Variants in ARHGEF3 observed in about 807,000 individuals in gnomAD.
ARHGEF3 encodes the protein Rho guanine nucleotide exchange factor 3.
In ARHGEF3, 28 loss-of-function variants were observed where a neutral mutation model predicts 63.2. The ratio of observed to expected loss-of-function variants is 0.44; its 90% CI spans 0.33 to 0.61. The LOEUF (loss-of-function observed/expected upper bound fraction) is 0.61, where lower values mean the gene tolerates loss of function less well. Among genes scored for constraint, ARHGEF3 ranks in the 20% least tolerant of loss-of-function variants. The pLI, the probability that ARHGEF3 is intolerant of heterozygous loss-of-function variation, is 0.03. For synonymous variants in ARHGEF3, 266 were observed against 254.2 expected, an observed-to-expected ratio of 1.05 and a Z score of -0.44; for missense variants, 533 against 659.3, an observed-to-expected ratio of 0.81 and a Z score of 2.10.
intron 4 of ARHGEF3, among the ~76,000 whole-genome samples, chr3:56,847,927 G>A (rs1215982516): frequency 6.6e-6 from 1 of 152,132 alleles, no homozygotes; most frequent in Non-Finnish European, 1.5e-5. Flanking sequence ...TCAGTGTAGA[G>A]TGCAGTGCTA....
At chr3:56,788,031 C>T (rs2036908856) in intron 1 of ARHGEF3, among the ~76,000 whole-genome samples, 1 of 152,136 alleles carries the variant, frequency 6.6e-6, no homozygotes, top group African/African-American at 2.4e-5. Flanking sequence ...TAGACACTGA[C>T]GCAGGGTGTG....
rs1210324546 is a variant in ARHGEF3, at chr3:57,028,741, A to G, written c.62+6347T>C. Among the ~76,000 whole-genome samples the G allele has an allele frequency of 2.6e-5, 3 of 115,798 alleles. No individual in the cohort carries two copies. The South Asian group carries it at 7.6e-4, about 29-fold the overall frequency. 76.0% of individuals were successfully genotyped at this position (115,798 alleles called of 152,430 possible). On this transcript the variant is annotated intron_variant, in intron 2 of 12. Transcript: ENST00000338458. ...AAAAAAAAAAGAACCCTTTTTCCTC[A>G]TCTGTAAAACGGGGTGAACAATATG...
intron 3 of ARHGEF3, among the ~76,000 whole-genome samples, chr3:56,900,478 T>C (rs1321293657): frequency 6.6e-6 from 1 of 151,772 alleles, no homozygotes; most frequent in East Asian, 1.9e-4. Flanking sequence ...TCTCTATATA[T>C]AAATTAGCCA....
chr3:57,042,356 G>T (rs1303472669), intron 1 of ARHGEF3, among the ~76,000 whole-genome samples: 1 of 152,058 alleles, frequency 6.6e-6, no homozygotes, highest in South Asian at 2.1e-4. Flanking sequence ...GGGGAAAAAA[G>T]CAAGAACAGA....
intron 6 of ARHGEF3, among the ~76,000 whole-genome samples, chr3:56,750,005 C>G (rs1418160385): frequency 1.3e-5 from 2 of 151,848 alleles, no homozygotes; most frequent in African/African-American, 2.4e-5. Flanking sequence ...CACATAGCAA[C>G]AGTAGGATTT....
intron 4 of ARHGEF3, among the ~76,000 whole-genome samples, chr3:56,851,890 C>T (rs562802002): frequency 3.9e-5 from 6 of 152,238 alleles, no homozygotes; most frequent in South Asian, 2.1e-4. Context: ...ATTACAGGTA[C>T]GAGTTACCAT....
intron 2 of ARHGEF3, among the ~76,000 whole-genome samples, chr3:57,018,147 C>T (rs997221449): frequency 6.6e-6 from 1 of 152,006 alleles, no homozygotes; most frequent in African/African-American, 2.4e-5. Context: ...GGCGTGGTGG[C>T]ATATGCCTGT....
At chr3:56,862,210 G>A (rs1390508634) in intron 4 of ARHGEF3, among the ~76,000 whole-genome samples, 2 of 151,232 alleles carry the variant, frequency 1.3e-5, no homozygotes, top group Non-Finnish European at 2.9e-5. Context: ...CCTTCTGTAA[G>A]TGTGAGAGAT....
intron 3 of ARHGEF3, among the ~76,000 whole-genome samples, chr3:56,933,573 T>A (rs2042469013): frequency 6.6e-6 from 1 of 151,902 alleles, no homozygotes; most frequent in Admixed American, 6.6e-5. Context: ...GCGCGTGCCA[T>A]CACACCTGCC....
chr3:56,824,562 C>T (rs1020734228), intron 4 of ARHGEF3, among the ~76,000 whole-genome samples: 3 of 152,140 alleles, frequency 2.0e-5, no homozygotes, highest in Non-Finnish European at 4.4e-5. Flanking sequence ...TGATTCAAAC[C>T]CAAATTTGCT....
At chr3:56,984,975 G>A (rs901777891) in intron 2 of ARHGEF3, among the ~76,000 whole-genome samples, 5 of 152,210 alleles carry the variant, frequency 3.3e-5, no homozygotes, top group African/African-American at 1.2e-4. Flanking sequence ...AAAGTATTAT[G>A]GGAAGTCATA....
chr3:56,809,891 C>T (rs2038002857), intron 4 of ARHGEF3, among the ~76,000 whole-genome samples: 1 of 151,950 alleles, frequency 6.6e-6, no homozygotes, highest in South Asian at 2.1e-4. Context: ...CACCACCATG[C>T]CTGGCTAATT....
intron 3 of ARHGEF3, among the ~76,000 whole-genome samples, chr3:56,938,080 G>T (rs1021386043): frequency 6.6e-6 from 1 of 152,210 alleles, no homozygotes; most frequent in Admixed American, 6.5e-5. Flanking sequence ...GGGGTCAGGT[G>T]CTGGTGGTCC....
chr3:57,060,856 C>T (rs1004727258), intron 1 of ARHGEF3: 1 of 151,292 alleles, frequency 6.6e-6, no homozygotes, highest in Non-Finnish European at 1.5e-5. Context: ...ACACCACCAC[C>T]ACTTCTTTTT....
At chr3:56,848,793 G>A (rs563795027) in intron 4 of ARHGEF3, among the ~76,000 whole-genome samples, 10 of 152,146 alleles carry the variant, frequency 6.6e-5, no homozygotes, top group Middle Eastern at 6.8e-3. Context: ...TCAGCTTCCC[G>A]AGTAGCTGGG....
At chr3:56,890,055 C>T (rs1286722909) in intron 3 of ARHGEF3, among the ~76,000 whole-genome samples, 1 of 131,370 alleles carries the variant, frequency 7.6e-6, no homozygotes, top group Non-Finnish European at 1.6e-5. Flanking sequence ...GAGCAAGACT[C>T]CTTCTCAATA....
At chr3:56,958,696 G>T in intron 3 of ARHGEF3, 1 of 1,016,598 alleles carries the variant, frequency 9.8e-7, no homozygotes, top group Non-Finnish European at 1.5e-6. Flanking sequence ...AAGTGGTAAA[G>T]CACAGATGCG....
chr3:56,970,428 G>A (rs916031412), intron 2 of ARHGEF3, among the ~76,000 whole-genome samples: 2 of 152,176 alleles, frequency 1.3e-5, no homozygotes, highest in Non-Finnish European at 2.9e-5. Flanking sequence ...GGGATTTGAT[G>A]GAAGCGGCTT....
intron 3 of ARHGEF3, among the ~76,000 whole-genome samples, chr3:56,883,759 G>A (rs1206596509): frequency 1.3e-5 from 2 of 152,150 alleles, no homozygotes; most frequent in Admixed American, 6.5e-5. Flanking sequence ...TTACTTAGAA[G>A]AAAGCTACCA....
Sources: gnomAD v4.1 joint callset for allele counts (sites outside exome capture counted in the v4.1 genomes callset) on GRCh38, gnomAD v4.1.1 for gene constraint, MANE v1.5 for transcripts, NCBI Gene and HGNC (gene_info 2026-07-23, HGNC 2026-07-21) for gene names.